The following ADH4 variants were observed in gnomAD, a reference collection of about 807,000 sequenced individuals.
ADH4 encodes the protein all-trans-retinol dehydrogenase [NAD(+)] ADH4.
ADH4 carries 31 observed loss-of-function variants against 35.2 expected under a neutral mutation model. That is an observed-to-expected ratio of 0.88 (90% confidence interval 0.66 to 1.19). The LOEUF is 1.19. Among genes scored for constraint, ADH4 ranks in the 50% most tolerant of loss-of-function variants. The pLI, the probability that ADH4 is intolerant of heterozygous loss-of-function variation, is 0.00. For synonymous variants in ADH4, 171 were observed against 160.2 expected (o/e 1.07, Z -0.51); for missense variants, 476 against 458.3 (o/e 1.04, Z -0.35).
chr4:99,143,015 G>GA (rs4148889), intron 1 of ADH4: 391,230 of 593,758 alleles, frequency 0.66, 118,338 homozygotes, highest in East Asian at 0.87. Context: ...TTTATTTCTT[G>GA]AAAAAAAAAC....
intron 5 of ADH4, among the ~76,000 whole-genome samples, chr4:99,134,082 G>A (rs1211667150): frequency 2.0e-5 from 3 of 152,180 alleles, no homozygotes; most frequent in South Asian, 2.1e-4. Flanking sequence ...GATACTGCAT[G>A]ATCTCACTTA....
At chr4:99,126,152 C>A (rs1729079107) in intron 8 of ADH4, among the ~76,000 whole-genome samples, 1 of 152,214 alleles carries the variant, frequency 6.6e-6, no homozygotes, top group Admixed American at 6.5e-5. Flanking sequence ...ACAGTTGGGG[C>A]ATCCTTTACA....
rs1729443666 is a variant in ADH4, at chr4:99,136,672, G to C, written c.376C>G (p.Gln126Glu). 3 of 1,613,320 alleles carry C rather than the reference G, an allele frequency of 1.9e-6. No homozygotes were observed. Among genetic ancestry groups the C allele is most frequent in the African/African-American group, 1.3e-5 (1 of 74,956 alleles). Residue 126 changes from glutamine (Q) to glutamate (E), a missense_variant, in exon 5 of 9, where the codon CAA (glutamine) becomes GAA (glutamate). By Grantham distance (29) the Gln-to-Glu change is conservative. Transcript: ENST00000265512. Reference sequence around the variant, plus strand: ...CTGGTTTTGTCTTCCATTAGTTGTTGATCACTAGCAGGACTTTTGAGATTA... The same window carrying C: ...CTGGTTTTGTCTTCCATTAGTTGTTCATCACTAGCAGGACTTTTGAGATTA... Reference protein sequence around the residue: ...ISNLKSPASDQQLMEDKTSRF... With the variant: ...ISNLKSPASDEQLMEDKTSRF...
rs1406216207 is a variant in ADH4, at chr4:99,131,572, C to T, written c.775G>A (p.Val259Ile). 1.2e-6 allele frequency: 2 copies of T among 1,614,016 alleles called. No homozygotes were observed. The highest frequency in any genetic ancestry group is 1.7e-6 in the Non-Finnish European group (2 of 1,180,006). ...PRDLHKPIQE[V>I]IIELTKGGVD... The stretch of plus-strand genomic sequence containing the variant: ...CCTCCCTTGGTCAATTCAATGATAA[C>T]TTCCTGGATCGGTTTATGTAAGTCT... Residue 259 changes from valine (V) to isoleucine (I), a missense_variant, in exon 6 of 9, where the codon GTT becomes ATT. By Grantham distance (29) the Val-to-Ile change is conservative. Transcript: ENST00000265512.
chr4:99,142,703 G>T lies in ADH4; in HGVS notation c.96C>A (p.Pro32=), dbSNP rs141658967. The change falls in exon 2 of 9, where the codon CCC becomes CCA. Residue 32 remains proline, a synonymous_variant. Transcript: ENST00000265512. ...LCIEEVEVAP[P]KAHEVRIQII... is the part of the protein sequence containing the mutation. ...CCTGAATGCGAACTTCATGAGCCTT[G>T]GGGGGAGCTACTTCAACCTCTTCAA... 9 of 1,599,180 alleles carry T rather than the reference G, an allele frequency of 5.6e-6. No individual in the cohort carries two copies. The highest frequency in any genetic ancestry group is 1.8e-5 in the Admixed American group (1 of 57,118).
intron 1 of ADH4, chr4:99,143,385 G>A (rs749408075): frequency 2.2e-4 from 97 of 445,552 alleles, no homozygotes; most frequent in Non-Finnish European, 3.2e-4. Flanking sequence ...TTTATCTGTA[G>A]GATATAAATT....
At chr4:99,132,626 A>G (rs912910279) in intron 5 of ADH4, among the ~76,000 whole-genome samples, 33 of 152,184 alleles carry the variant, frequency 2.2e-4, no homozygotes, top group Admixed American at 6.5e-4. Flanking sequence ...TTTAATAAAT[A>G]TTTGTTTCAT....
chr4:99,128,082 A>G (rs1453365879), intron 6 of ADH4, among the ~76,000 whole-genome samples: 2 of 152,100 alleles, frequency 1.3e-5, no homozygotes, highest in Non-Finnish European at 2.9e-5. Context: ...TTTATCAGCA[A>G]AATACCTATG....
intron 5 of ADH4, among the ~76,000 whole-genome samples, chr4:99,135,671 G>T (rs1429230395): frequency 6.6e-6 from 1 of 152,174 alleles, no homozygotes; most frequent in African/African-American, 2.4e-5. Flanking sequence ...GAAGTAGGAA[G>T]TCACTGTAGC....
intron 5 of ADH4, among the ~76,000 whole-genome samples, chr4:99,135,446 G>A (rs1729407425): frequency 6.6e-6 from 1 of 152,004 alleles, no homozygotes; most frequent in African/African-American, 2.4e-5. Flanking sequence ...AAAAAAATTT[G>A]GGGTGAAAAC....
At position 99,141,551 on chromosome 4, in the gene ADH4, G is replaced by C; in HGVS notation, c.252C>G (p.Asn84Lys). 1.7e-5 allele frequency: 27 copies of C among 1,606,996 alleles called. No individual in the cohort carries two copies. Among genetic ancestry groups the C allele is most frequent in the Non-Finnish European group, 2.2e-5 (26 of 1,177,524 alleles). Residue 84 changes from asparagine (N) to lysine (K), a missense_variant, in exon 3 of 9, where the codon AAC (asparagine) becomes AAG (lysine). Transcript: ENST00000265512. Reference protein sequence around the residue: ...IVESIGPGVTNVKPGDKVIPL... With the variant: ...IVESIGPGVTKVKPGDKVIPL... Reference sequence around the variant, plus strand: ...AATAAAATAAAATACCTGGTTTGACGTTGGTCACTCCTGGCCCAATACTTT... The same window carrying C: ...AATAAAATAAAATACCTGGTTTGACCTTGGTCACTCCTGGCCCAATACTTT...
chr4:99,130,639 T>C (rs1205809404), intron 6 of ADH4, among the ~76,000 whole-genome samples: 3 of 152,216 alleles, frequency 2.0e-5, no homozygotes, highest in African/African-American at 7.2e-5. Context: ...CATGGTATAA[T>C]AAGTCAGCTT....
chr4:99,124,238 GTTA>G lies in ADH4; in HGVS notation c.*201_*203del. On this transcript the variant is annotated 3_prime_UTR_variant, in exon 9 of 9. Coordinates refer to ENST00000265512, the MANE Select transcript of ADH4 (RefSeq NM_000670.5). The stretch of plus-strand genomic sequence containing the variant: ...GATATGATTCTATTCATAAACACTA[GTTA>G]TTATTATTATTTAACATAGGGAATA... The G allele has an allele frequency of 2.6e-5, 12 of 467,022 alleles. No homozygotes were observed. Among genetic ancestry groups the G allele is most frequent in the African/African-American group, 8.3e-5 (4 of 48,292 alleles). The allele number at this position is 467,022 out of a possible 1,614,324, so 28.9% of individuals were successfully genotyped here. A position where few individuals can be genotyped will look rare whatever the true frequency, so the allele number is the denominator to read the frequency against.
chr4:99,131,055 T>C (rs1729255232), intron 6 of ADH4, among the ~76,000 whole-genome samples: 1 of 152,198 alleles, frequency 6.6e-6, no homozygotes, highest in Admixed American at 6.5e-5. Context: ...GTTAATGCAC[T>C]TGTCATTTTA....
At chr4:99,142,499 AT>A (rs1256604455) in intron 2 of ADH4, among the ~76,000 whole-genome samples, 179 bp downstream of exon 2, 1 of 152,248 alleles carries the variant, frequency 6.6e-6, no homozygotes, top group African/African-American at 2.4e-5. Flanking sequence ...AATTACTAAA[AT>A]AATGGATGAT....
intron 5 of ADH4, among the ~76,000 whole-genome samples, chr4:99,134,022 A>G (rs7672728): frequency 0.21 from 32,037 of 152,180 alleles, 4,045 homozygotes; most frequent in Non-Finnish European, 0.28. Flanking sequence ...AAACATGGAT[A>G]AACCTGGAGG....
chr4:99,131,582 C>G lies in ADH4; in HGVS notation c.765G>C (p.Pro255=). 6.2e-7 allele frequency: 1 copy of G among 1,613,904 alleles called. No individual in the cohort carries two copies. Among genetic ancestry groups the G allele is most frequent in the Non-Finnish European group, 8.5e-7 (1 of 1,179,938 alleles). Residue 255 remains proline (P), a synonymous_variant, in exon 6 of 9, where the codon CCG becomes CCC. Coordinates refer to ENST00000265512, the MANE Select transcript of ADH4 (RefSeq NM_000670.5). ...TCAATTCAATGATAACTTCCTGGAT[C>G]GGTTTATGTAAGTCTCTAGGATTGA... ...DCLNPRDLHK[P]IQEVIIELTK... is the part of the protein sequence containing the mutation.
chr4:99,132,498 T>C (rs1380329297), intron 5 of ADH4, among the ~76,000 whole-genome samples: 1 of 140,478 alleles, frequency 7.1e-6, no homozygotes, highest in Non-Finnish European at 1.5e-5. Flanking sequence ...TTATATAATT[T>C]ATAACCTGCC....
intron 2 of ADH4, 54 bp downstream of exon 2, chr4:99,142,625 C>G: frequency 8.4e-7 from 1 of 1,194,506 alleles, no homozygotes; most frequent in Non-Finnish European, 1.1e-6. Context: ...TGACAGAAGC[C>G]AGGTCTCCAC....
Sources: allele counts gnomAD v4.1 joint callset (sites outside exome capture counted in the v4.1 genomes callset), GRCh38; gene constraint gnomAD v4.1.1; transcripts MANE v1.5; gene names NCBI Gene and HGNC (gene_info 2026-07-23, HGNC 2026-07-21).